Variants in MARF1 observed in about 807,000 individuals in gnomAD.
The protein encoded by MARF1 is limkain-b1.
In MARF1, 24 loss-of-function variants were observed where a neutral mutation model predicts 168.2. That is an observed-to-expected ratio of 0.14 (90% confidence interval 0.10 to 0.20). MARF1 has a LOEUF of 0.20. MARF1 is among the 10% of genes least tolerant of loss of function. The pLI is 1.00. For missense variants in MARF1, 1,744 were observed against 2,143.6 expected (o/e 0.81, Z 3.68); for synonymous variants, 868 against 822.4 (o/e 1.06, Z -0.95).
At position 15,625,051 on chromosome 16, in the gene MARF1, C is replaced by T. The variant is rs183022429; in HGVS notation, c.2076G>A (p.Ser692=). The T allele has an allele frequency of 2.8e-5, 46 of 1,614,182 alleles. No individual in the cohort carries two copies. The highest frequency in any genetic ancestry group is 2.0e-4 in the Admixed American group (12 of 60,014). ...SSAAVSTPKN[S]GVAEPVYKTS... is the part of the protein sequence containing the mutation. Reference sequence around the variant, plus strand: ...TTTTGTAAACGGGTTCTGCCACCCCCGAGTTTTTCGGCGTCGACACTGCAG... The same window carrying T: ...TTTTGTAAACGGGTTCTGCCACCCCTGAGTTTTTCGGCGTCGACACTGCAG... Residue 692 remains serine, a synonymous_variant, in exon 9 of 27, where the codon TCG becomes TCA. Coordinates refer to ENST00000396368, the MANE Select transcript of MARF1 (RefSeq NM_014647.4).
intron 3 of MARF1, chr16:15,635,291 A>G: frequency 5.2e-6 from 2 of 387,114 alleles, no homozygotes; most frequent in South Asian, 5.7e-5. Flanking sequence ...TATTGCAAAA[A>G]GACAACATGC....
At chr16:15,616,062 G>A in intron 15 of MARF1, 57 bp from the exon 16 acceptor site, 2 of 1,354,590 alleles carry the variant, frequency 1.5e-6, no homozygotes, top group Non-Finnish European at 2.0e-6. Context: ...AACAGAAAAG[G>A]AGGCGCTTGC....
chr16:15,613,590 AGGT>A (rs2033767530), intron 16 of MARF1, among the ~76,000 whole-genome samples: 2 of 151,816 alleles, frequency 1.3e-5, no homozygotes, highest in African/African-American at 4.8e-5. Context: ...TGAACCCAGG[AGGT>A]GGAGCTTGCA....
Position 15,612,874 on chromosome 16 carries a change from T to C in MARF1, c.3254-97A>G, listed in dbSNP as rs921817761. On this transcript the variant is annotated intron_variant, in intron 16 of 26. Coordinates refer to ENST00000396368, the MANE Select transcript of MARF1 (RefSeq NM_014647.4). ...GCAGTCCCTGGCTTGAGTTCGATCA[T>C]GGGGAAGCAAACAAAACCAAATACA... is the stretch of plus-strand genomic sequence containing the variant. The C allele has an allele frequency of 3.1e-4, 312 of 1,004,212 alleles. No homozygotes were observed. The Admixed American group carries it at 5.8e-3, about 19-fold the overall frequency. The allele number at this position is 1,004,212 out of a possible 1,614,324, so 62.2% of individuals were successfully genotyped here. A position where few individuals can be genotyped will look rare whatever the true frequency, so the allele number is the denominator to read the frequency against.
At chr16:15,603,158 A>C (rs2032674679) in intron 22 of MARF1, among the ~76,000 whole-genome samples, 1 of 152,262 alleles carries the variant, frequency 6.6e-6, no homozygotes, top group Non-Finnish European at 1.5e-5. Context: ...TTCATTATTT[A>C]ATGATGTGTC....
intron 16 of MARF1, among the ~76,000 whole-genome samples, chr16:15,615,487 T>G (rs1351026399): frequency 1.3e-5 from 2 of 151,910 alleles, no homozygotes; most frequent in Admixed American, 6.6e-5. Flanking sequence ...TAGCTGGGCG[T>G]GGTGGCTGGT....
intron 19 of MARF1, chr16:15,610,475 T>A (rs2151097237): frequency 6.5e-6 from 1 of 153,156 alleles, no homozygotes; most frequent in Admixed American, 6.5e-5. Flanking sequence ...CCAGTATCCA[T>A]GAGTTTCGCA....
At chr16:15,623,604 T>C (rs987143817) in intron 10 of MARF1, among the ~76,000 whole-genome samples, 18 of 152,086 alleles carry the variant, frequency 1.2e-4, no homozygotes, top group East Asian at 9.7e-4. Context: ...TAAATACACA[T>C]TGATTTCAGA....
At position 15,595,442 on chromosome 16, in the gene MARF1, G is replaced by C. The variant is rs1010484425; in HGVS notation, c.*1251C>G. 6.6e-6 allele frequency: 1 copy of C among 152,518 alleles called. No individual in the cohort carries two copies. The highest frequency in any genetic ancestry group is 1.5e-5 in the Non-Finnish European group (1 of 68,028). 9.4% of individuals were successfully genotyped at this position (152,518 alleles called of 1,614,324 possible). The stretch of plus-strand genomic sequence containing the variant: ...TTCTTTCTGCTCTATGAATGAATCC[G>C]CCTTTTTTGCCGGACAAATACAATC... On this transcript the variant is annotated 3_prime_UTR_variant, in exon 27 of 27. Transcript: ENST00000396368.
intron 21 of MARF1, among the ~76,000 whole-genome samples, chr16:15,604,961 G>C (rs1274251763): frequency 1.3e-5 from 2 of 152,212 alleles, no homozygotes; most frequent in African/African-American, 4.8e-5. Context: ...CATCTGACTA[G>C]TAACTGTCCA....
At chr16:15,600,349 T>C in intron 25 of MARF1, 79 bp downstream of exon 25, 2 of 1,583,280 alleles carry the variant, frequency 1.3e-6, no homozygotes, top group Admixed American at 3.4e-5. Flanking sequence ...CTGGAGTCCT[T>C]TCCCTCGCTC....
chr16:15,618,419 A>C (rs1458634705), intron 13 of MARF1, among the ~76,000 whole-genome samples: 1 of 152,136 alleles, frequency 6.6e-6, no homozygotes, highest in African/African-American at 2.4e-5. Context: ...CCAGCTGCTC[A>C]GGAGCTGCTT....
At chr16:15,600,767 GAA>G in intron 23 of MARF1, 66 bp from the exon 24 acceptor site, 1 of 1,549,652 alleles carries the variant, frequency 6.5e-7, no homozygotes, top group South Asian at 1.1e-5. Flanking sequence ...TAACATTCAG[GAA>G]GAGTGTGACC....
intron 13 of MARF1, 135 bp from the exon 14 acceptor site, chr16:15,617,670 C>G (rs939920936): frequency 3.0e-6 from 2 of 659,302 alleles, no homozygotes; most frequent in African/African-American, 3.6e-5. Flanking sequence ...TGGAATAATT[C>G]TACTACAAAT....
rs755521344 is a variant in MARF1, at chr16:15,631,444, G to A, written c.1288C>T (p.Arg430Trp). 3.1e-6 allele frequency: 5 copies of A among 1,613,134 alleles called. No individual in the cohort carries two copies. The highest frequency in any genetic ancestry group is 1.7e-5 in the Admixed American group (1 of 60,002). Residue 430 changes from arginine (R) to tryptophan (W), a missense_variant, in exon 6 of 27, where the codon CGG becomes TGG. Coordinates refer to ENST00000396368, the MANE Select transcript of MARF1 (RefSeq NM_014647.4). Reference protein sequence around the residue: ...TAKNAADDKLRQSLRRFANTH... With the variant: ...TAKNAADDKLWQSLRRFANTH... ...TTTGCAAATCTGCGGAGACTCTGCC[G>A]CAGTTTATCATCAGCGGCATTCTTT...
In MARF1 at chr16:15,631,460, G is replaced by A. The variant is rs774673899; in HGVS notation, c.1272C>T (p.Ala424=). 9.9e-6 allele frequency: 16 copies of A among 1,612,948 alleles called. No individual in the cohort carries two copies. The highest frequency in any genetic ancestry group is 8.0e-5 in the African/African-American group (6 of 74,910). Residue 424 remains alanine (A), a synonymous_variant, in exon 6 of 27, where the codon GCC becomes GCT. Coordinates refer to ENST00000396368, the MANE Select transcript of MARF1 (RefSeq NM_014647.4). ...VAHINATAKN[A]ADDKLRQSLR... ...GACTCTGCCGCAGTTTATCATCAGC[G>A]GCATTCTTTGCAGTAGCATTGATGT... is the stretch of plus-strand genomic sequence containing the variant.
At chr16:15,622,258 A>G (rs976937495) in intron 11 of MARF1, among the ~76,000 whole-genome samples, 5 of 152,186 alleles carry the variant, frequency 3.3e-5, no homozygotes, top group Admixed American at 6.5e-5. Context: ...ATTTTTAGCA[A>G]AATTGCACCT....
At chr16:15,631,923 T>C (rs2035282411) in intron 5 of MARF1, among the ~76,000 whole-genome samples, 1 of 152,226 alleles carries the variant, frequency 6.6e-6, no homozygotes, top group Non-Finnish European at 1.5e-5. Context: ...CAAAGGACAT[T>C]ATCTCATTCT....
rs371321758 is a variant in MARF1, at chr16:15,625,032, A to T, written c.2095T>A (p.Tyr699Asn). 6 of 1,614,100 alleles carry T rather than the reference A, an allele frequency of 3.7e-6. No homozygotes were observed. The African/African-American group carries it at 8.0e-5, about 22-fold the overall frequency. The part of the protein sequence containing the change: ...PKNSGVAEPV[Y>N]KTSQKKENLS... Reference sequence around the variant, plus strand: ...TTCACATACTTCTGACTGGTTTTGTAAACGGGTTCTGCCACCCCCGAGTTT... The same window carrying T: ...TTCACATACTTCTGACTGGTTTTGTTAACGGGTTCTGCCACCCCCGAGTTT... The change falls in exon 9 of 27, where the codon TAC (tyrosine) becomes AAC (asparagine). Residue 699 changes from tyrosine to asparagine, a missense_variant. By Grantham distance (143) the Tyr-to-Asn change is moderately radical. Coordinates refer to ENST00000396368, the MANE Select transcript of MARF1 (RefSeq NM_014647.4).
Sources: allele counts gnomAD v4.1 joint callset (sites outside exome capture counted in the v4.1 genomes callset), GRCh38; gene constraint gnomAD v4.1.1; transcripts MANE v1.5; gene names NCBI Gene and HGNC (gene_info 2026-07-23, HGNC 2026-07-21).